Variants in ST6GAL1 observed in about 807,000 individuals in gnomAD.
The protein encoded by ST6GAL1 is ST6 beta-galactoside alpha-2,6-sialyltransferase 1, also known as beta-galactoside alpha-2,6-sialyltransferase 1.
Under a neutral mutation model 38.0 loss-of-function variants are expected in ST6GAL1, and 20 were observed. The observed-to-expected ratio is 0.53, with a 90% CI of 0.37 to 0.77. ST6GAL1 has a LOEUF of 0.77. ST6GAL1 is among the 30% of genes least tolerant of loss of function. ST6GAL1 has a pLI of 0.00. For synonymous variants in ST6GAL1, 196 were observed against 188.2 expected (o/e 1.04, Z -0.34); for missense variants, 432 against 496.4 (o/e 0.87, Z 1.23).
chr3:186,979,956 G>C (rs982982144), intron 2 of ST6GAL1, among the ~76,000 whole-genome samples: 1 of 152,212 alleles, frequency 6.6e-6, no homozygotes, highest in Non-Finnish European at 1.5e-5. Flanking sequence ...ATTATGCTAA[G>C]TGGTTGATGA....
intron 2 of ST6GAL1, among the ~76,000 whole-genome samples, chr3:186,981,700 T>C (rs184728751): frequency 3.2e-4 from 48 of 152,344 alleles, no homozygotes; most frequent in Admixed American, 2.3e-3. Flanking sequence ...TCAGGAAATA[T>C]TGTTCCATCA....
At chr3:186,999,259 T>C (rs1038846074) in intron 2 of ST6GAL1, among the ~76,000 whole-genome samples, 3 of 152,166 alleles carry the variant, frequency 2.0e-5, no homozygotes, top group Non-Finnish European at 4.4e-5. Flanking sequence ...TGTGTGTCAT[T>C]CAAGGTGATA....
At chr3:186,986,976 T>TA (rs11425294) in intron 2 of ST6GAL1, among the ~76,000 whole-genome samples, 91,986 of 151,612 alleles carry the variant, frequency 0.61, 27,968 homozygotes, top group Admixed American at 0.66. Context: ...TCTTTCCTTT[T>TA]AAAAAAAAGT....
chr3:186,972,084 A>G lies in ST6GAL1; in HGVS notation c.-183+8158A>G, dbSNP rs77885812. Among the ~76,000 whole-genome samples, 1,433 of 152,306 alleles carry G rather than the reference A, an allele frequency of 9.4e-3. 22 individuals carry two copies. The highest frequency in any genetic ancestry group is 0.033 in the African/African-American group (1,373 of 41,572). On this transcript the variant is annotated intron_variant, in intron 2 of 7. Coordinates refer to ENST00000169298, the MANE Select transcript of ST6GAL1 (RefSeq NM_173216.2). ...ATGTATATTAATTCACTTAATCCCC[A>G]TGACAACCCTAAGAATTGGGTACAA...
At chr3:186,969,969 T>G (rs931063212) in intron 2 of ST6GAL1, among the ~76,000 whole-genome samples, 1 of 152,188 alleles carries the variant, frequency 6.6e-6, no homozygotes, top group East Asian at 1.9e-4. Context: ...CCTTTTCTTT[T>G]TATTTAACTT....
At chr3:186,972,883 A>G (rs1387364203) in intron 2 of ST6GAL1, among the ~76,000 whole-genome samples, 1 of 152,010 alleles carries the variant, frequency 6.6e-6, no homozygotes, top group East Asian at 1.9e-4. Flanking sequence ...GCAGTTTGGG[A>G]TGTTGAGATG....
At chr3:186,981,520 CTG>C (rs1226378971) in intron 2 of ST6GAL1, among the ~76,000 whole-genome samples, 10 of 152,198 alleles carry the variant, frequency 6.6e-5, no homozygotes, top group Admixed American at 5.9e-4. Context: ...GAAGTCTTCT[CTG>C]TAGCTTCAGA....
At chr3:186,998,894 T>A (rs1716511831) in intron 2 of ST6GAL1, among the ~76,000 whole-genome samples, 1 of 152,208 alleles carries the variant, frequency 6.6e-6, no homozygotes. Context: ...AATAATCACG[T>A]GAAAAGTTTA....
intron 2 of ST6GAL1, among the ~76,000 whole-genome samples, chr3:187,013,894 G>A (rs940911249): frequency 4.6e-5 from 7 of 152,146 alleles, no homozygotes; most frequent in African/African-American, 1.7e-4. Context: ...CGCAAATACT[G>A]GTTTTGTTGA....
At chr3:187,035,099 A>T (rs945229522) in intron 2 of ST6GAL1, among the ~76,000 whole-genome samples, 1 of 152,170 alleles carries the variant, frequency 6.6e-6, no homozygotes, top group Non-Finnish European at 1.5e-5. Flanking sequence ...GCATTTCCAT[A>T]ACCAGTAATT....
At chr3:187,065,669 C>G (rs528577603) in intron 5 of ST6GAL1, among the ~76,000 whole-genome samples, 2 of 152,296 alleles carry the variant, frequency 1.3e-5, no homozygotes, top group Non-Finnish European at 1.5e-5. Context: ...TCCTTGGAAG[C>G]TTTTGTGCTA....
intron 5 of ST6GAL1, among the ~76,000 whole-genome samples, chr3:187,058,916 C>A (rs1718814526): frequency 6.6e-6 from 1 of 152,120 alleles, no homozygotes; most frequent in Admixed American, 6.6e-5. Context: ...GTTAGTATTA[C>A]AGGCGTGAGC....
rs187389088 is a variant in ST6GAL1 at position 187,025,942 on chromosome 3, T to A, written c.-182-12800T>A. On this transcript the variant is annotated intron_variant, in intron 2 of 7. Transcript: ENST00000169298. ...GCTGCCTGGCTGGGAAAAGATGTAA[T>A]CTCTGGTAAGAGACCCTTGGCAGGA... Among the ~76,000 whole-genome samples the A allele has an allele frequency of 5.7e-4, 87 of 152,264 alleles. 2 individuals carry two copies. The highest frequency in any genetic ancestry group is 4.7e-3 in the Admixed American group (72 of 15,296).
intron 2 of ST6GAL1, among the ~76,000 whole-genome samples, chr3:187,018,730 G>T (rs1382333498): frequency 1.3e-5 from 2 of 152,060 alleles, no homozygotes; most frequent in African/African-American, 2.4e-5. Flanking sequence ...TCACAGACAC[G>T]CCCAGGATCA....
At chr3:186,996,665 A>G (rs908807914) in intron 2 of ST6GAL1, 1 of 152,192 alleles carries the variant, frequency 6.6e-6, no homozygotes, top group African/African-American at 2.4e-5. Context: ...GGAAGGACCT[A>G]CCAACCAGGT....
rs117210196 is a variant in ST6GAL1 at position 187,009,465 on chromosome 3, A to C, written c.-182-29277A>C. Among the ~76,000 whole-genome samples the C allele has an allele frequency of 5.1e-3, 770 of 152,080 alleles. 23 individuals carry two copies. In the East Asian group the frequency reaches 0.081, roughly 16 times the overall value. On this transcript the variant is annotated intron_variant, in intron 2 of 7. Transcript: ENST00000169298. Reference sequence around the variant, plus strand: ...CTTTCTATAGTTTTCTATGAGTGCAATTTTTTATTTTAAAACTTTATCTGA... The same window carrying C: ...CTTTCTATAGTTTTCTATGAGTGCACTTTTTTATTTTAAAACTTTATCTGA...
At chr3:187,062,606 A>ACACAC (rs1553835854) in intron 5 of ST6GAL1, among the ~76,000 whole-genome samples, 3 of 150,766 alleles carry the variant, frequency 2.0e-5, no homozygotes, top group Non-Finnish European at 2.9e-5. Flanking sequence ...ACACACACAC[A>ACACAC]AAATACTATA....
At chr3:187,070,645 A>C (rs1719334221) in intron 5 of ST6GAL1, among the ~76,000 whole-genome samples, 1 of 151,704 alleles carries the variant, frequency 6.6e-6, no homozygotes, top group South Asian at 2.1e-4. Context: ...GGATGGTCTC[A>C]ATCTCTTGAC....
Position 187,051,193 on chromosome 3 carries a change from T to C in ST6GAL1, c.608-56T>C, listed in dbSNP as rs1718500874. 3 of 1,504,158 alleles carry C rather than the reference T, an allele frequency of 2.0e-6. No homozygotes were observed. In the South Asian group the frequency reaches 3.4e-5, roughly 17 times the overall value. 93.2% of individuals were successfully genotyped at this position (1,504,158 alleles called of 1,614,324 possible). ...CCTCCCCCGCCTCTCGTCTTTCTCT[T>C]TTTCTGCATATTGCCAGTGCTCATC... On this transcript the variant is annotated intron_variant, in intron 4 of 7. Transcript: ENST00000169298.
Sources: gnomAD v4.1 joint callset for allele counts (sites outside exome capture counted in the v4.1 genomes callset) on GRCh38, gnomAD v4.1.1 for gene constraint, MANE v1.5 for transcripts, NCBI Gene and HGNC (gene_info 2026-07-23, HGNC 2026-07-21) for gene names.